IQCM: variants seen among roughly 807,000 people sequenced by gnomAD.
IQCM encodes IQ domain-containing protein M.
IQCM carries 45 observed loss-of-function variants against 57.6 expected under a neutral mutation model. The observed-to-expected ratio is 0.78, with a 90% CI of 0.62 to 1.00. The LOEUF (loss-of-function observed/expected upper bound fraction) is 1.00, where lower values mean the gene tolerates loss of function less well. IQCM is among the 50% of genes least tolerant of loss of function. The pLI is 0.00. For synonymous variants in IQCM, 148 were observed against 158.9 expected (o/e 0.93, Z 0.51); for missense variants, 468 against 511.6 (o/e 0.91, Z 0.82).
chr4:149,765,666 A>G (rs971272437), intron 2 of IQCM, among the ~76,000 whole-genome samples: 2 of 152,098 alleles, frequency 1.3e-5, no homozygotes, highest in African/African-American at 4.8e-5. Context: ...TAGCTAAATG[A>G]TAACCAGTTA....
At chr4:149,627,061 G>A (rs1262748579) in intron 7 of IQCM, among the ~76,000 whole-genome samples, 1 of 152,172 alleles carries the variant, frequency 6.6e-6, no homozygotes, top group Non-Finnish European at 1.5e-5. Flanking sequence ...ACAACAACTA[G>A]GAAAGAAAGC....
At chr4:149,630,210 G>A (rs1016125721) in intron 7 of IQCM, among the ~76,000 whole-genome samples, 2 of 152,184 alleles carry the variant, frequency 1.3e-5, no homozygotes, top group Non-Finnish European at 2.9e-5. Flanking sequence ...TGGCTTGGAT[G>A]GCAGCATACT....
chr4:149,670,988 A>G (rs1761221287), intron 7 of IQCM, among the ~76,000 whole-genome samples: 1 of 149,270 alleles, frequency 6.7e-6, no homozygotes. Flanking sequence ...TATCAGGATG[A>G]TGCTGGCCTC....
In IQCM at chr4:149,530,807, C is replaced by A. The variant is rs1008847110; in HGVS notation, c.1228+17648G>T. 5.5e-5 allele frequency among the ~76,000 whole-genome samples: 7 copies of A among 126,406 alleles called. 1 individual carries two copies. The highest frequency in any genetic ancestry group is 2.0e-4 in the African/African-American group (7 of 34,266). 82.9% of individuals were successfully genotyped at this position (126,406 alleles called of 152,430 possible). A position where few individuals can be genotyped will look rare whatever the true frequency, so the allele number is the denominator to read the frequency against. ...CACAGACACCCCCACCCCCCCACCC[C>A]CCCCCCACATACACACACTAATTGC... is the stretch of plus-strand genomic sequence containing the variant. On this transcript the variant is annotated intron_variant, in intron 12 of 13. Coordinates refer to ENST00000636793, the MANE Select transcript of IQCM (RefSeq NM_001363507.2).
chr4:149,812,338 A>T (rs977060172), intron 2 of IQCM, among the ~76,000 whole-genome samples: 35 of 152,146 alleles, frequency 2.3e-4, no homozygotes, highest in African/African-American at 8.2e-4. Flanking sequence ...GAGGATGGGA[A>T]TGAGCACCAG....
intron 13 of IQCM, among the ~76,000 whole-genome samples, chr4:149,417,820 C>CT (rs370591152): frequency 0.039 from 5,221 of 134,708 alleles, 226 homozygotes; most frequent in African/African-American, 0.11. Context: ...TCCCTTTTTC[C>CT]TTTTTTTTTT....
chr4:149,382,949 T>A (rs1731175756), intron 13 of IQCM, among the ~76,000 whole-genome samples: 1 of 151,806 alleles, frequency 6.6e-6, no homozygotes, highest in Non-Finnish European at 1.5e-5. Context: ...AACTTGAGTT[T>A]TATTTTTAAT....
chr4:149,638,806 C>T (rs1757939284), intron 7 of IQCM, among the ~76,000 whole-genome samples: 2 of 152,118 alleles, frequency 1.3e-5, no homozygotes, highest in South Asian at 2.1e-4. Flanking sequence ...CATGCATACA[C>T]CAAGAAGGAG....
At chr4:149,454,864 A>G (rs577506717) in intron 12 of IQCM, among the ~76,000 whole-genome samples, 1 of 152,104 alleles carries the variant, frequency 6.6e-6, no homozygotes, top group South Asian at 2.1e-4. Flanking sequence ...AAATAGTAGC[A>G]GGGTAGGGGA....
intron 2 of IQCM, among the ~76,000 whole-genome samples, chr4:149,778,043 A>G (rs1771257142): frequency 6.6e-6 from 1 of 152,236 alleles, no homozygotes; most frequent in African/African-American, 2.4e-5. Flanking sequence ...TATGGGTCAG[A>G]AAGAAAGTCT....
chr4:149,443,806 A>G (rs1274530165), intron 12 of IQCM, among the ~76,000 whole-genome samples: 1 of 151,950 alleles, frequency 6.6e-6, no homozygotes, highest in East Asian at 1.9e-4. Context: ...AGGTCAAAGA[A>G]CTGTAAGACT....
rs184815205 is a variant in IQCM, at chr4:149,656,568, T to C, written c.565+25550A>G. On this transcript the variant is annotated intron_variant, in intron 7 of 13. Transcript: ENST00000636793. ...TATATAGAATGTTTAAATTTTATTA[T>C]TTTAAAAAATCTATTTTCCACTTCC... 2.2e-3 allele frequency among the ~76,000 whole-genome samples: 335 copies of C among 152,230 alleles called. 2 individuals are homozygous for C. The highest frequency in any genetic ancestry group is 8.7e-3 in the East Asian group (45 of 5,188).
rs190145192 is a variant in IQCM, at chr4:149,714,900, A to G, written c.385+18344T>C. ...AGGGAGGATTCTTATCCTGGGTGGG[A>G]TTAATTGGTATGGGGCAAGATTTCA... On this transcript the variant is annotated intron_variant, in intron 5 of 13. Transcript: ENST00000636793. Among the ~76,000 whole-genome samples, 388 of 152,274 alleles carry G rather than the reference A, an allele frequency of 2.5e-3. 1 individual carries two copies. Among genetic ancestry groups the G allele is most frequent in the African/African-American group, 7.4e-3 (309 of 41,562 alleles).
intron 5 of IQCM, among the ~76,000 whole-genome samples, chr4:149,706,615 G>A (rs1764178315): frequency 6.6e-6 from 1 of 151,982 alleles, no homozygotes; most frequent in Admixed American, 6.6e-5. Context: ...TAAAACAGAA[G>A]TCCTATTGTT....
intron 5 of IQCM, among the ~76,000 whole-genome samples, chr4:149,732,296 T>C (rs1375281706): frequency 6.6e-6 from 1 of 152,196 alleles, no homozygotes; most frequent in Non-Finnish European, 1.5e-5. Flanking sequence ...TTCAGAGCTT[T>C]AATACATTTT....
At chr4:149,720,664 G>A (rs1765369756) in intron 5 of IQCM, among the ~76,000 whole-genome samples, 1 of 152,104 alleles carries the variant, frequency 6.6e-6, no homozygotes. Context: ...GCATTCAAAA[G>A]GGCAAGCAAA....
intron 13 of IQCM, among the ~76,000 whole-genome samples, chr4:149,352,988 T>C (rs2110860798): frequency 6.6e-6 from 1 of 152,222 alleles, no homozygotes; most frequent in African/African-American, 2.4e-5. Flanking sequence ...ATAATCAACA[T>C]GGCTAAAAGG....
At chr4:149,476,816 C>T (rs1740251580) in intron 12 of IQCM, among the ~76,000 whole-genome samples, 1 of 151,908 alleles carries the variant, frequency 6.6e-6, no homozygotes, top group Non-Finnish European at 1.5e-5. Flanking sequence ...GCCCATTCAT[C>T]AGAAAAAAAA....
intron 2 of IQCM, among the ~76,000 whole-genome samples, chr4:149,778,307 C>T (rs974582319): frequency 3.3e-5 from 5 of 151,770 alleles, no homozygotes; most frequent in East Asian, 1.9e-4. Flanking sequence ...ACCTGGGAGG[C>T]GGAGGTTGCA....
Sources: gnomAD v4.1 joint callset for allele counts (sites outside exome capture counted in the v4.1 genomes callset) on GRCh38, gnomAD v4.1.1 for gene constraint, MANE v1.5 for transcripts, NCBI Gene and HGNC (gene_info 2026-07-23, HGNC 2026-07-21) for gene names.